Variants in PRIM2 observed in about 807,000 individuals in gnomAD.
PRIM2 encodes the protein DNA primase large subunit.
PRIM2 carries 39 observed loss-of-function variants against 67.3 expected under a neutral mutation model. That is an observed-to-expected ratio of 0.58 (90% CI 0.45 to 0.76). The LOEUF (loss-of-function observed/expected upper bound fraction) is 0.76, where lower values mean the gene tolerates loss of function less well. PRIM2 is among the 30% of genes least tolerant of loss of function. The probability of loss-of-function intolerance (pLI) is 0.00; values close to 1 mark genes in which losing one functional copy is unlikely to be tolerated. For missense variants in PRIM2, 398 were observed against 598.7 expected, an observed-to-expected ratio of 0.66 and a Z score of 3.50; for synonymous variants, 143 against 198.7, an observed-to-expected ratio of 0.72 and a Z score of 2.36.
At chr6:57,556,272 T>C (rs1358473499) in intron 10 of PRIM2, among the ~76,000 whole-genome samples, 1 of 152,188 alleles carries the variant, frequency 6.6e-6, no homozygotes, top group Non-Finnish European at 1.5e-5. Context: ...ATGACATTCT[T>C]CACAGAACTA....
intron 7 of PRIM2, among the ~76,000 whole-genome samples, chr6:57,393,624 T>A (rs1770430956): frequency 6.6e-6 from 1 of 152,212 alleles, no homozygotes; most frequent in Non-Finnish European, 1.5e-5. Context: ...CTGTTTACTC[T>A]ACTGGCTGTT....
chr6:57,271,591 T>C, the PRIM2 span, among the ~76,000 whole-genome samples: 14 of 152,218 alleles, frequency 9.2e-5, no homozygotes, highest in African/African-American at 3.1e-4. Flanking sequence ...CCTGGATTCA[T>C]TGATTTTTTG....
intron 7 of PRIM2, among the ~76,000 whole-genome samples, chr6:57,410,629 C>G (rs1562738273): frequency 1.3e-5 from 2 of 151,750 alleles, no homozygotes; most frequent in Non-Finnish European, 2.9e-5. Context: ...ATTTTAGTAG[C>G]CTCTTGGTAG....
At chr6:57,378,426 C>G (rs1232600228) in intron 5 of PRIM2, among the ~76,000 whole-genome samples, 24 of 152,002 alleles carry the variant, frequency 1.6e-4, no homozygotes, top group Non-Finnish European at 3.5e-4. Context: ...TTGTGCTTGT[C>G]TTTTATTTCT....
intron 10 of PRIM2, among the ~76,000 whole-genome samples, chr6:57,594,099 A>G (rs1331851817): frequency 1.3e-5 from 2 of 152,244 alleles, no homozygotes; most frequent in Non-Finnish European, 2.9e-5. Context: ...GAAGTTGTTT[A>G]TAAAATGTTT....
At chr6:57,534,533 C>A (rs1345807282) in intron 9 of PRIM2, among the ~76,000 whole-genome samples, 1 of 152,112 alleles carries the variant, frequency 6.6e-6, no homozygotes, top group Non-Finnish European at 1.5e-5. Context: ...GACTACTGCC[C>A]ACACCTCTTA....
chr6:57,626,870 C>T (rs1221720491), intron 12 of PRIM2, among the ~76,000 whole-genome samples: 2 of 152,046 alleles, frequency 1.3e-5, no homozygotes, highest in Non-Finnish European at 2.9e-5. Flanking sequence ...AAGCAATCCA[C>T]CTGCCCTGGC....
chr6:57,638,596 AAAAG>A (rs1777166081), intron 13 of PRIM2, among the ~76,000 whole-genome samples: 3 of 149,714 alleles, frequency 2.0e-5, no homozygotes, highest in Admixed American at 1.3e-4. Context: ...AAAAAAAAAA[AAAAG>A]CAGGGATTGC....
chr6:57,428,396 C>G (rs1339908408), intron 7 of PRIM2, among the ~76,000 whole-genome samples: 1 of 152,102 alleles, frequency 6.6e-6, no homozygotes. Context: ...CTGTTAAGAT[C>G]CAAGACTATA....
intron 10 of PRIM2, among the ~76,000 whole-genome samples, chr6:57,570,265 TTTTATATAGG>T (rs1775837073): frequency 6.6e-6 from 1 of 152,228 alleles, no homozygotes; most frequent in African/African-American, 2.4e-5. Context: ...TATTGTGCTG[TTTTATATAGG>T]TCTATAATGA....
At chr6:57,359,480 A>G (rs985739605) in intron 5 of PRIM2, among the ~76,000 whole-genome samples, 2 of 152,258 alleles carry the variant, frequency 1.3e-5, no homozygotes, top group Admixed American at 1.3e-4. Context: ...CACATGGAGT[A>G]GAGACATTGC....
chr6:57,583,975 T>C (rs1277750271), intron 10 of PRIM2, among the ~76,000 whole-genome samples: 1 of 152,288 alleles, frequency 6.6e-6, no homozygotes, highest in African/African-American at 2.4e-5. Flanking sequence ...AGAATCATCT[T>C]GTTAAACACT....
At chr6:57,543,597 ACT>A in intron 10 of PRIM2, among the ~76,000 whole-genome samples, 1 of 152,310 alleles carries the variant, frequency 6.6e-6, no homozygotes, top group South Asian at 2.1e-4. Context: ...TTGAGCTCTA[ACT>A]CTGCAGCTAC....
chr6:57,350,091 G>A lies in PRIM2; in HGVS notation c.459+24046G>A, dbSNP rs573624926. 4.6e-5 allele frequency among the ~76,000 whole-genome samples: 7 copies of A among 152,258 alleles called. No individual in the cohort carries two copies. The East Asian group carries it at 1.4e-3, about 29-fold the overall frequency. ...AGCTTCCCAGAATCCCTGTGGAACA[G>A]GGCAAGCTAACCTCTCAGATAGGAA... On this transcript the variant is annotated intron_variant, in intron 5 of 13. Transcript: ENST00000615550.
the PRIM2 span, among the ~76,000 whole-genome samples, chr6:57,262,021 C>T: frequency 6.6e-6 from 1 of 152,188 alleles, no homozygotes; most frequent in African/African-American, 2.4e-5. Flanking sequence ...TGCCAGAACC[C>T]TGGCTAGTAT....
At chr6:57,608,532 A>G (rs1300464784) in intron 12 of PRIM2, among the ~76,000 whole-genome samples, 1 of 152,080 alleles carries the variant, frequency 6.6e-6, no homozygotes, top group African/African-American at 2.4e-5. Context: ...CAGGCATTCA[A>G]GACCAGCCTG....
upstream of PRIM2, among the ~76,000 whole-genome samples, chr6:57,311,475 G>A (rs75899991): frequency 4.0e-5 from 6 of 151,316 alleles, no homozygotes; most frequent in East Asian, 7.9e-4. Context: ...CAGACTGGGC[G>A]GCCGGGCAGA....
chr6:57,582,083 C>T (rs1393462150), intron 10 of PRIM2, among the ~76,000 whole-genome samples: 2 of 152,172 alleles, frequency 1.3e-5, no homozygotes, highest in Non-Finnish European at 2.9e-5. Flanking sequence ...CCTCAGCCTC[C>T]CAAAGTGCTG....
intron 5 of PRIM2, among the ~76,000 whole-genome samples, chr6:57,377,453 G>A (rs867371800): frequency 1.3e-5 from 2 of 151,506 alleles, no homozygotes; most frequent in Non-Finnish European, 2.9e-5. Context: ...TTGAAGCTTA[G>A]GAGGATTATA....
Sources: gnomAD v4.1 joint callset for allele counts (sites outside exome capture counted in the v4.1 genomes callset) on GRCh38, gnomAD v4.1.1 for gene constraint, MANE v1.5 for transcripts, NCBI Gene and HGNC (gene_info 2026-07-23, HGNC 2026-07-21) for gene names.